The following BRD4 variants were observed in gnomAD, a reference collection of about 807,000 sequenced individuals.
The protein encoded by BRD4 is bromodomain containing 4.
BRD4 carries 16 observed loss-of-function variants against 142.1 expected under a neutral mutation model. The observed-to-expected ratio is 0.11, with a 90% confidence interval of 0.08 to 0.17. BRD4 has a LOEUF of 0.17. Ranked by LOEUF, BRD4 falls within the 10% of genes least tolerant of loss-of-function variation. The probability of loss-of-function intolerance (pLI) is 1.00; values close to 1 mark genes in which losing one functional copy is unlikely to be tolerated. For missense variants in BRD4, 1,424 were observed against 1,810.9 expected (o/e 0.79, Z 3.88); for synonymous variants, 833 against 707.5 (o/e 1.18, Z -2.82).
intron 1 of BRD4, among the ~76,000 whole-genome samples, chr19:15,318,407 G>A (rs1380207320): frequency 3.3e-5 from 5 of 152,182 alleles, no homozygotes; most frequent in Admixed American, 6.5e-5. Context: ...CAAGTTTATG[G>A]TATTATATTT....
chr19:15,309,960 TTC>T (rs1334469482), intron 1 of BRD4, among the ~76,000 whole-genome samples: 3 of 152,282 alleles, frequency 2.0e-5, no homozygotes, highest in South Asian at 4.1e-4. Flanking sequence ...CTCTCACCTG[TTC>T]TCTGTCTGCT....
At chr19:15,291,369 C>A (rs1199388883) in intron 1 of BRD4, among the ~76,000 whole-genome samples, 2 of 152,200 alleles carry the variant, frequency 1.3e-5, no homozygotes, top group African/African-American at 2.4e-5. Flanking sequence ...ACAAAGACAT[C>A]TGCCCTTGTG....
chr19:15,248,651 G>A (rs574337313), intron 11 of BRD4: 1 of 227,912 alleles, frequency 4.4e-6, no homozygotes. Flanking sequence ...AAAAGGCTCA[G>A]AGTCAGCGGT....
intron 14 of BRD4, 100 bp from the exon 15 acceptor site, chr19:15,240,122 C>G (rs776910635): frequency 5.3e-5 from 77 of 1,462,066 alleles, no homozygotes; most frequent in Non-Finnish European, 7.0e-5. Flanking sequence ...GGAGAAACTG[C>G]ATGTGCCGCC....
chr19:15,256,298 C>A, intron 8 of BRD4, 35 bp from the exon 9 acceptor site: 1 of 1,590,398 alleles, frequency 6.3e-7, no homozygotes, highest in Non-Finnish European at 8.5e-7. Context: ...ACACTCAGGG[C>A]TGAAACCACC....
At chr19:15,300,389 TAA>T (rs1000109443) in intron 1 of BRD4, among the ~76,000 whole-genome samples, 2 of 144,388 alleles carry the variant, frequency 1.4e-5, no homozygotes, top group African/African-American at 2.5e-5. Context: ...CTGTCTCCAC[TAA>T]AAAAAAAAAT....
chr19:15,311,638 T>C (rs1406458566), intron 1 of BRD4, among the ~76,000 whole-genome samples: 1 of 149,612 alleles, frequency 6.7e-6, no homozygotes, highest in East Asian at 2.0e-4. Context: ...TAAAAATACA[T>C]TAAAAAAAAA....
At position 15,236,094 on chromosome 19, in the gene BRD4, C is replaced by CCAG. The variant is rs1293343837; in HGVS notation, c.*2282_*2283insCTG. The CCAG allele has an allele frequency of 2.0e-5, 3 of 152,162 alleles. No homozygotes were observed. In the East Asian group the frequency reaches 5.8e-4, roughly 29 times the overall value. 9.4% of individuals were successfully genotyped at this position (152,162 alleles called of 1,614,324 possible). A position where few individuals can be genotyped will look rare whatever the true frequency, so the allele number is the denominator to read the frequency against. ...GGGGACCTCTGGCTGGATGCCTGAACCACACCCTCACAGGGAGGTTTGGCA... is the reference window on the plus strand; with the variant it reads ...GGGGACCTCTGGCTGGATGCCTGAACCAGCACACCCTCACAGGGAGGTTTGGCA... On this transcript the variant is annotated 3_prime_UTR_variant, in exon 20 of 20. Coordinates refer to ENST00000679869, the MANE Select transcript of BRD4 (RefSeq NM_001379291.1).
At chr19:15,244,181 A>G (rs1387181273) in intron 13 of BRD4, 50 bp downstream of exon 13, 1 of 1,536,014 alleles carries the variant, frequency 6.5e-7, no homozygotes, top group Non-Finnish European at 8.7e-7. Context: ...ACATGGGTAA[A>G]CCGAGGCAGG....
At chr19:15,254,441 C>T (rs1460374036) in intron 10 of BRD4, among the ~76,000 whole-genome samples, 179 bp from the exon 11 acceptor site, 1 of 152,198 alleles carries the variant, frequency 6.6e-6, no homozygotes, top group East Asian at 1.9e-4. Flanking sequence ...TCCCACAGTT[C>T]CCATGGGTAG....
At chr19:15,258,183 A>G (rs1335701270) in intron 7 of BRD4, among the ~76,000 whole-genome samples, 1 of 152,120 alleles carries the variant, frequency 6.6e-6, no homozygotes, top group Non-Finnish European at 1.5e-5. Flanking sequence ...TTCAGAGAGG[A>G]CCACGGCCCT....
intron 1 of BRD4, among the ~76,000 whole-genome samples, chr19:15,306,743 G>A (rs1568406134): frequency 1.3e-5 from 2 of 152,206 alleles, no homozygotes; most frequent in African/African-American, 4.8e-5. Context: ...AGCTGGAGCA[G>A]TCAGAACACA....
At chr19:15,280,750 G>A (rs1006266338) in intron 1 of BRD4, among the ~76,000 whole-genome samples, 1 of 152,184 alleles carries the variant, frequency 6.6e-6, no homozygotes, top group African/African-American at 2.4e-5. Context: ...CCTTCAGGTA[G>A]AGGAGGTCAC....
At position 15,239,322 on chromosome 19, in the gene BRD4, T is replaced by TG. The variant is rs974664417; in HGVS notation, c.3577-59dup. 5.0e-6 allele frequency: 8 copies of TG among 1,613,376 alleles called. No individual in the cohort carries two copies. Among genetic ancestry groups the TG allele is most frequent in the African/African-American group, 1.3e-5 (1 of 74,732 alleles). On this transcript the variant is annotated intron_variant, in intron 17 of 19. Coordinates refer to ENST00000679869, the MANE Select transcript of BRD4 (RefSeq NM_001379291.1). The surrounding 1 kb of genome is among the most constrained non-coding windows in gnomAD (Gnocchi z 7.4). Reference sequence around the variant, plus strand: ...GTCTGCTGTGCCTAAAGGGCATAGCTGGGGGTGTGCCCAGCATGGCACCTT... The same window carrying TG: ...GTCTGCTGTGCCTAAAGGGCATAGCTGGGGGGTGTGCCCAGCATGGCACCTT...
rs535480261 is a variant in BRD4 at position 15,294,933 on chromosome 19, A to G, written c.-34-21800T>C. On this transcript the variant is annotated intron_variant, in intron 1 of 19. Coordinates refer to ENST00000679869, the MANE Select transcript of BRD4 (RefSeq NM_001379291.1). Reference sequence around the variant, plus strand: ...CATTCAGAGACCAAAGAACATGACTAACTCCAAAATGAAGATAAAAACTAC... The same window carrying G: ...CATTCAGAGACCAAAGAACATGACTGACTCCAAAATGAAGATAAAAACTAC... 9.8e-5 allele frequency among the ~76,000 whole-genome samples: 15 copies of G among 152,328 alleles called. No homozygotes were observed. The South Asian group carries it at 2.9e-3, about 29-fold the overall frequency.
intron 11 of BRD4, chr19:15,249,309 A>C: frequency 6.2e-7 from 1 of 1,613,950 alleles, no homozygotes; most frequent in Non-Finnish European, 8.5e-7. Flanking sequence ...AGGGAGAGAG[A>C]AACCAGTGTG....
intron 11 of BRD4, among the ~76,000 whole-genome samples, chr19:15,250,302 C>G (rs1241025106): frequency 6.6e-6 from 1 of 152,174 alleles, no homozygotes; most frequent in African/African-American, 2.4e-5. Context: ...TCCTACTCCC[C>G]CACCTCCAGG....
At chr19:15,271,402 A>T (rs1051762191) in intron 2 of BRD4, among the ~76,000 whole-genome samples, 1 of 152,184 alleles carries the variant, frequency 6.6e-6, no homozygotes, top group Admixed American at 6.5e-5. Flanking sequence ...CCTAAAGGTC[A>T]ACAGGATGAT....
In BRD4 at chr19:15,322,697, CAA is replaced by C. The variant is rs78397797; in HGVS notation, c.-35+9591_-35+9592del. Among the ~76,000 whole-genome samples the C allele has an allele frequency of 8.4e-3, 775 of 92,250 alleles. 10 individuals carry two copies. The highest frequency in any genetic ancestry group is 0.019 in the African/African-American group (451 of 23,914). The allele number at this position is 92,250 out of a possible 152,430, so 60.5% of individuals were successfully genotyped here. ...GAAACCCCATCTCTACTAAAAAATA[CAA>C]AAAAAAAAAAAAAAAAAATTAGCCA... On this transcript the variant is annotated intron_variant, in intron 1 of 19. Transcript: ENST00000679869.
Sources: allele counts gnomAD v4.1 joint callset (sites outside exome capture counted in the v4.1 genomes callset), GRCh38; gene constraint gnomAD v4.1.1; non-coding constraint Gnocchi (gnomAD v3.1); transcripts MANE v1.5; gene names NCBI Gene and HGNC (gene_info 2026-07-23, HGNC 2026-07-21).